Variants in TAF1 observed in about 807,000 individuals in gnomAD.
The protein encoded by TAF1 is transcription initiation factor TFIID subunit 1.
In TAF1, 2 loss-of-function variants were observed where a neutral mutation model predicts 138.5. The ratio of observed to expected loss-of-function variants is 0.01; its 90% CI spans 0.01 to 0.05. The LOEUF is 0.05. Ranked by LOEUF, TAF1 falls within the 10% of genes least tolerant of loss-of-function variation. The pLI, the probability that TAF1 is intolerant of heterozygous loss-of-function variation, is 1.00. For missense variants in TAF1, 709 were observed against 1,478.0 expected, an observed-to-expected ratio of 0.48 and a Z score of 8.53; for synonymous variants, 437 against 503.2, an observed-to-expected ratio of 0.87 and a Z score of 1.76.
intron 12 of TAF1, 133 bp downstream of exon 12, chrX:71,383,297 T>G: frequency 2.6e-6 from 2 of 775,394 alleles, no homozygotes; most frequent in Non-Finnish European, 3.5e-6. Flanking sequence ...TTTTGGTTAT[T>G]TAGGAGAATG....
intron 33 of TAF1, 149 bp from the exon 34 acceptor site, chrX:71,454,592 C>T: frequency 2.0e-6 from 1 of 505,143 alleles, no homozygotes; most frequent in African/African-American, 2.4e-5. Context: ...CCCCTGTTTC[C>T]TTCCCTGCTT....
chrX:71,480,327 T>C (rs7066032), intron 13 of TAF1, among the ~76,000 whole-genome samples: 8,132 of 111,194 alleles, frequency 0.073, 667 homozygotes, highest in African/African-American at 0.24. Context: ...CCCAGGAGTT[T>C]GAGGTTGCAG....
At chrX:71,411,434 G>A (rs867904035) in intron 28 of TAF1, among the ~76,000 whole-genome samples, 5 of 110,895 alleles carry the variant, frequency 4.5e-5, no homozygotes, top group East Asian at 2.8e-4. Context: ...AACCAAGATC[G>A]CACCATGGCA....
chrX:71,378,141 C>G, intron 6 of TAF1, 94 bp from the exon 7 acceptor site: 4 of 895,181 alleles, frequency 4.5e-6, no homozygotes, highest in Non-Finnish European at 6.3e-6. Context: ...TCCTCAGTTT[C>G]TCTAAGTTCC....
intron 13 of TAF1, among the ~76,000 whole-genome samples, chrX:71,524,019 CTT>C (rs397895424): frequency 5.2e-5 from 4 of 76,370 alleles, no homozygotes; most frequent in Non-Finnish European, 5.2e-5. Flanking sequence ...TGTAATAGTT[CTT>C]TTTTTTTTTT....
At chrX:71,398,811 A>C in intron 24 of TAF1, 74 bp downstream of exon 24, 2 of 1,099,453 alleles carry the variant, frequency 1.8e-6, no homozygotes, top group Non-Finnish European at 2.4e-6. Context: ...AGCTTTTGAT[A>C]TCCTCCTTTA....
At position 71,388,341 on chromosome X, in the gene TAF1, G is replaced by A. The variant is rs1449026242; in HGVS notation, c.2532G>A (p.Arg844=). 5 of 1,210,327 alleles carry A rather than the reference G, an allele frequency of 4.1e-6. No individual in the cohort carries two copies. In the African/African-American group the frequency reaches 8.7e-5, roughly 21 times the overall value. Residue 844 remains arginine (R), a synonymous_variant, in exon 16 of 38, where the codon CGG becomes CGA. Transcript: ENST00000423759. ...AFPSHSESSI[R]KRLKLCADFK... The stretch of plus-strand genomic sequence containing the variant: ...CTTCCCATTCAGAAAGCAGCATCCG[G>A]AAGAGGCTAAAGCTCTGCGCTGACT...
intron 32 of TAF1, among the ~76,000 whole-genome samples, chrX:71,425,488 C>T (rs1028057770): frequency 1.8e-5 from 2 of 110,615 alleles, no homozygotes; most frequent in Non-Finnish European, 3.8e-5. Context: ...AACTTATAAA[C>T]AAAAGCTTAG....
At chrX:71,435,062 C>G (rs915662563) in intron 32 of TAF1, among the ~76,000 whole-genome samples, 3 of 112,196 alleles carry the variant, frequency 2.7e-5, no homozygotes, top group Admixed American at 9.5e-5. Context: ...GATGAGATTC[C>G]TCTTTCCCAA....
At chrX:71,408,820 T>C (rs1172269887) in intron 28 of TAF1, among the ~76,000 whole-genome samples, 2 of 110,263 alleles carry the variant, frequency 1.8e-5, no homozygotes, top group African/African-American at 6.6e-5. Context: ...AGTCAGGAGA[T>C]TGAGACCATG....
chrX:71,366,498 A>C lies in TAF1; in HGVS notation c.120+4A>C. On this transcript the variant is annotated splice_donor_region_variant and intron_variant, in intron 1 of 37. Transcript: ENST00000423759. ...GGGGGAAAGCGTCTTGGATGATGTG[A>C]GGGGGTGGGCGTGGGGGTAGGGCTC... 1 of 198,426 alleles carries C rather than the reference A, an allele frequency of 5.0e-6. No homozygotes were observed. Among genetic ancestry groups the C allele is most frequent in the Non-Finnish European group, 7.0e-6 (1 of 143,586 alleles). 16.4% of individuals were successfully genotyped at this position (198,426 alleles called of 1,213,427 possible). A position where few individuals can be genotyped will look rare whatever the true frequency, so the allele number is the denominator to read the frequency against.
At chrX:71,389,780 T>C in intron 18 of TAF1, 115 bp downstream of exon 18, 1 of 518,371 alleles carries the variant, frequency 1.9e-6, no homozygotes, top group Non-Finnish European at 3.0e-6. Flanking sequence ...AGTATACTGT[T>C]AGATGTTCTT....
intron 32 of TAF1, among the ~76,000 whole-genome samples, chrX:71,440,242 T>A (rs111828847): frequency 7.3e-4 from 82 of 111,994 alleles, no homozygotes; most frequent in African/African-American, 2.4e-3. Context: ...CATAATTCCC[T>A]TGAGGTCCAT....
At chrX:71,526,859 G>C (rs1262956242) in intron 13 of TAF1, among the ~76,000 whole-genome samples, 1 of 105,911 alleles carries the variant, frequency 9.4e-6, no homozygotes, top group African/African-American at 3.5e-5. Context: ...CGTAAGGCCA[G>C]GAGTTCAAGA....
At chrX:71,386,315 G>C (rs1292243238) in intron 14 of TAF1, among the ~76,000 whole-genome samples, 1 of 111,484 alleles carries the variant, frequency 9.0e-6, no homozygotes, top group African/African-American at 3.3e-5. Flanking sequence ...TTAGACTCAG[G>C]CTTCTTGTGA....
intron 9 of TAF1, 125 bp from the exon 10 acceptor site, chrX:71,382,411 T>C: frequency 1.1e-6 from 1 of 934,303 alleles, no homozygotes; most frequent in African/African-American, 2.0e-5. Flanking sequence ...GGGGGTGGGA[T>C]GAAAGGTCTA....
chrX:71,467,523 A>G (rs1005627648), downstream of TAF1, among the ~76,000 whole-genome samples: 7 of 112,293 alleles, frequency 6.2e-5, no homozygotes, highest in South Asian at 3.6e-4. Context: ...CTTCCATGAT[A>G]ATAATTTCTA....
intron 1 of TAF1, 123 bp downstream of exon 1, chrX:71,366,617 G>A (rs1411140012): frequency 2.3e-5 from 17 of 745,891 alleles, no homozygotes; most frequent in Non-Finnish European, 3.0e-5. Context: ...CCGGGGAGGA[G>A]GATCCCGTCC....
chrX:71,366,424 C>G lies in TAF1; in HGVS notation c.50C>G (p.Ser17Cys). 1 of 1,184,633 alleles carries G rather than the reference C, an allele frequency of 8.4e-7. No individual in the cohort carries two copies. Among genetic ancestry groups the G allele is most frequent in the Non-Finnish European group, 1.1e-6 (1 of 882,050 alleles). Residue 17 changes from serine (S) to cysteine (C), a missense_variant, in exon 1 of 38, where the codon TCT becomes TGT. Ser to Cys is a moderately radical substitution (Grantham distance 112, BLOSUM62 -1). Around this residue, in one of 14 missense-constraint regions of TAF1, gnomAD observed 123 missense variants for 161.6 expected, o/e 0.76. Transcript: ENST00000423759. ...DEDSAGGGPF[S>C]LAGFLFGNIN... is the part of the protein sequence containing the mutation. ...GATTCCGCTGGAGGCGGCCCATTTT[C>G]TTTAGCGGGTTTCCTTTTCGGCAAC...
Sources: allele counts gnomAD v4.1 joint callset (sites outside exome capture counted in the v4.1 genomes callset), GRCh38; gene constraint gnomAD v4.1.1; regional missense constraint gnomAD v4.1.1; transcripts MANE v1.5; gene names NCBI Gene and HGNC (gene_info 2026-07-23, HGNC 2026-07-21).